The following SEMA3A variants were observed in gnomAD, a reference collection of about 807,000 sequenced individuals.
SEMA3A encodes semaphorin 3A.
Under a neutral mutation model 97.9 loss-of-function variants are expected in SEMA3A, and 29 were observed. The ratio of observed to expected loss-of-function variants is 0.30; its 90% confidence interval spans 0.22 to 0.40. The LOEUF (loss-of-function observed/expected upper bound fraction) is 0.40. SEMA3A is among the 10% of genes least tolerant of loss of function. SEMA3A has a pLI of 1.00. For missense variants in SEMA3A, 763 were observed against 951.3 expected, an observed-to-expected ratio of 0.80 and a Z score of 2.60; for synonymous variants, 321 against 323.7, an observed-to-expected ratio of 0.99 and a Z score of 0.09.
At chr7:83,965,090 C>T (rs1788616914) in intron 15 of SEMA3A, among the ~76,000 whole-genome samples, 1 of 132,404 alleles carries the variant, frequency 7.6e-6, no homozygotes, top group Non-Finnish European at 1.5e-5. Flanking sequence ...GTGATTTAAA[C>T]TTTTTTGTAT....
At chr7:83,984,097 C>T (rs1235652752) in intron 13 of SEMA3A, among the ~76,000 whole-genome samples, 1 of 151,926 alleles carries the variant, frequency 6.6e-6, no homozygotes, top group Non-Finnish European at 1.5e-5. Context: ...CTTTTTTAAA[C>T]AGATTTAAAA....
chr7:84,007,468 A>C lies in SEMA3A; in HGVS notation c.1025T>G (p.Met342Arg). The change falls in exon 10 of 17, where the codon ATG (methionine) becomes AGG (arginine). Residue 342 changes from methionine to arginine, a missense_variant. This residue lies in a region of SEMA3A where 678 missense variants were observed against 881.3 expected (regional missense o/e 0.77). Coordinates refer to ENST00000265362, the MANE Select transcript of SEMA3A (RefSeq NM_006080.3). Reference protein sequence around the residue: ...SNIFKGSAVCMYSMSDVRRVF... With the variant: ...SNIFKGSAVCRYSMSDVRRVF... The stretch of plus-strand genomic sequence containing the variant: ...CCTTCTCACATCACTCATGCTATAC[A>C]TACACACGGCTGATCCCTTGAAAAT... 1 of 1,596,492 alleles carries C rather than the reference A, an allele frequency of 6.3e-7. No homozygotes were observed. The highest frequency in any genetic ancestry group is 8.5e-7 in the Non-Finnish European group (1 of 1,171,246).
At chr7:84,198,411 A>G (rs942111531), upstream of SEMA3A, among the ~76,000 whole-genome samples, 3 of 152,172 alleles carry the variant, frequency 2.0e-5, no homozygotes, top group Non-Finnish European at 4.4e-5. Context: ...CAGGCTGGCC[A>G]GGTTGGTCTC....
At chr7:84,017,695 T>C (rs1330312543) in intron 6 of SEMA3A, among the ~76,000 whole-genome samples, 1 of 152,200 alleles carries the variant, frequency 6.6e-6, no homozygotes, top group African/African-American at 2.4e-5. Flanking sequence ...ACCACACATT[T>C]TCTACTTCTT....
intron 2 of SEMA3A, among the ~76,000 whole-genome samples, chr7:84,351,160 A>C (rs1445210669): frequency 1.3e-5 from 2 of 151,946 alleles, no homozygotes; most frequent in Admixed American, 1.3e-4. Flanking sequence ...AGAGGGCAAA[A>C]ATTCATTCAT....
rs1266257431 is a variant in SEMA3A at position 84,426,521 on chromosome 7, G to C, written c.-245-54621C>G. ...ATTAAGAGAGATTTCAATATTCCCTGAATCTGTTCTTCTGCCTTGAGGTAA... is the reference window on the plus strand; with the variant it reads ...ATTAAGAGAGATTTCAATATTCCCTCAATCTGTTCTTCTGCCTTGAGGTAA... On this transcript the variant is annotated intron_variant, in intron 1 of 3. Coordinates refer to the SEMA3A transcript ENST00000424555. Among the ~76,000 whole-genome samples the C allele has an allele frequency of 2.0e-5, 3 of 151,998 alleles. No individual in the cohort carries two copies. In the East Asian group the frequency reaches 5.8e-4, roughly 29 times the overall value.
chr7:84,054,938 T>G (rs970136588), intron 5 of SEMA3A, among the ~76,000 whole-genome samples: 1 of 152,100 alleles, frequency 6.6e-6, no homozygotes, highest in African/African-American at 2.4e-5. Flanking sequence ...GACCCTCAGC[T>G]GCAGGTCTGT....
chr7:84,266,313 C>CAAAAAAAAAAAAAAAAAAAAAAAAAA, intron 3 of SEMA3A, among the ~76,000 whole-genome samples: 1 of 70,482 alleles, frequency 1.4e-5, no homozygotes, highest in Non-Finnish European at 2.5e-5. Context: ...GATTTGGTCT[C>CAAAAAAAAAAAAAAAAAAAAAAAAAA]AAAAAAAAAA....
intron 3 of SEMA3A, among the ~76,000 whole-genome samples, chr7:84,267,605 T>G (rs2115688007): frequency 6.6e-6 from 1 of 152,190 alleles, no homozygotes; most frequent in African/African-American, 2.4e-5. Flanking sequence ...TATTTGCAAG[T>G]TTTGATAAAA....
intron 1 of SEMA3A, among the ~76,000 whole-genome samples, chr7:84,424,649 T>TTATATATTATATAATATATATATA (rs1804722056): frequency 1.1e-5 from 1 of 94,364 alleles, no homozygotes; most frequent in South Asian, 3.5e-4. Flanking sequence ...TATATTATAT[T>TTATATATTATATAATATATATATA]TATATATTAT....
intron 2 of SEMA3A, among the ~76,000 whole-genome samples, chr7:84,132,671 T>TG (rs1796000269): frequency 7.8e-6 from 1 of 127,830 alleles, no homozygotes; most frequent in Non-Finnish European, 1.7e-5. Flanking sequence ...TGTTTTTTTT[T>TG]TTTTTTTTTT....
intron 4 of SEMA3A, among the ~76,000 whole-genome samples, chr7:84,078,132 C>A (rs1373598624): frequency 6.6e-6 from 1 of 151,840 alleles, no homozygotes; most frequent in Non-Finnish European, 1.5e-5. Flanking sequence ...AAATGTTTTT[C>A]TCTATTTTAA....
intron 1 of SEMA3A, among the ~76,000 whole-genome samples, chr7:84,172,089 C>T (rs1311345639): frequency 6.6e-6 from 1 of 152,100 alleles, no homozygotes; most frequent in Non-Finnish European, 1.5e-5. Context: ...CTGATATATT[C>T]ATTTTACACA....
At chr7:84,236,663 G>C (rs1461020962) in intron 3 of SEMA3A, among the ~76,000 whole-genome samples, 1 of 151,968 alleles carries the variant, frequency 6.6e-6, no homozygotes, top group African/African-American at 2.4e-5. Context: ...ATATTAATTT[G>C]ATATAGAAAA....
chr7:84,487,979 C>A (rs915473462), intron 1 of SEMA3A, among the ~76,000 whole-genome samples: 1 of 151,836 alleles, frequency 6.6e-6, no homozygotes. Flanking sequence ...ATTTGTCTTG[C>A]GTAAGTCTGC....
At position 84,252,518 on chromosome 7, in the gene SEMA3A, G is replaced by A. The variant is rs187381569; in HGVS notation, c.-83+54689C>T. On this transcript the variant is annotated intron_variant, in intron 3 of 3. Transcript: ENST00000424555. ...AAGTGAAGTCTCCTTCATCAGTTAT[G>A]AACCTGTCATAAAAATTACTGCTTA... 3.7e-3 allele frequency among the ~76,000 whole-genome samples: 561 copies of A among 152,274 alleles called. 1 individual carries two copies. The highest frequency in any genetic ancestry group is 0.012 in the African/African-American group (512 of 41,566).
chr7:83,965,635 TATATATATATATATATATATATATATATA>T (rs1788643710), intron 15 of SEMA3A, among the ~76,000 whole-genome samples: 3 of 6,272 alleles, frequency 4.8e-4, no homozygotes, highest in Non-Finnish European at 8.7e-4. Flanking sequence ...TGCATATATA[TATATATATATATATATATATATATATATA>T]TATTTTTTTT....
chr7:84,181,078 AG>A (rs1392436799), intron 1 of SEMA3A, among the ~76,000 whole-genome samples: 4 of 152,194 alleles, frequency 2.6e-5, no homozygotes, highest in Admixed American at 2.6e-4. Flanking sequence ...AAAGTTGATA[AG>A]GTAATGGTTA....
chr7:84,282,783 G>A (rs894564773), intron 3 of SEMA3A, among the ~76,000 whole-genome samples: 2 of 152,078 alleles, frequency 1.3e-5, no homozygotes, highest in African/African-American at 2.4e-5. Context: ...GGAGGCCAAG[G>A]TGGGCGGATG....
Sources: allele counts gnomAD v4.1 joint callset (sites outside exome capture counted in the v4.1 genomes callset), GRCh38; gene constraint gnomAD v4.1.1; regional missense constraint gnomAD v4.1.1; transcripts MANE v1.5; gene names NCBI Gene and HGNC (gene_info 2026-07-23, HGNC 2026-07-21).